The following TAF3 variants were observed in gnomAD, a reference collection of about 807,000 sequenced individuals.
TAF3 encodes TATA-box binding protein associated factor 3.
Under a neutral mutation model 80.6 loss-of-function variants are expected in TAF3, and 7 were observed. That is an observed-to-expected ratio of 0.09 (90% CI 0.05 to 0.16). The LOEUF (loss-of-function observed/expected upper bound fraction) is 0.16, where lower values mean the gene tolerates loss of function less well. Ranked by LOEUF, TAF3 falls within the 10% of genes least tolerant of loss-of-function variation. The probability of loss-of-function intolerance (pLI) is 1.00; values close to 1 mark genes in which losing one functional copy is unlikely to be tolerated. For synonymous variants in TAF3, 444 were observed against 446.1 expected, an observed-to-expected ratio of 1.00 and a Z score of 0.06; for missense variants, 921 against 1,140.2, an observed-to-expected ratio of 0.81 and a Z score of 2.77.
chr10:7,981,234 C>T (rs1005723145), intron 4 of TAF3, among the ~76,000 whole-genome samples: 4 of 152,212 alleles, frequency 2.6e-5, no homozygotes, highest in Non-Finnish European at 4.4e-5. Context: ...TGTCTTCTCC[C>T]AAGGACTGAA....
chr10:7,958,358 C>T (rs1344726623), intron 2 of TAF3, among the ~76,000 whole-genome samples: 1 of 151,990 alleles, frequency 6.6e-6, no homozygotes, highest in Admixed American at 6.6e-5. Context: ...AATATATTCA[C>T]TCAAGTCGAA....
chr10:7,957,338 G>A (rs1035931623), intron 2 of TAF3, among the ~76,000 whole-genome samples: 1 of 152,156 alleles, frequency 6.6e-6, no homozygotes, highest in Non-Finnish European at 1.5e-5. Flanking sequence ...ATCACCCACA[G>A]ATACTAACTC....
At chr10:7,971,082 G>C (rs139363345) in intron 3 of TAF3, among the ~76,000 whole-genome samples, 1 of 152,152 alleles carries the variant, frequency 6.6e-6, no homozygotes, top group African/African-American at 2.4e-5. Flanking sequence ...CCCAAGGCCA[G>C]CTCCCAGCCT....
intron 2 of TAF3, among the ~76,000 whole-genome samples, chr10:7,914,970 T>A (rs1837695608): frequency 7.2e-6 from 1 of 138,096 alleles, no homozygotes; most frequent in Non-Finnish European, 1.5e-5. Context: ...AGACAGAGTC[T>A]TGCTCTGTCG....
At chr10:7,950,816 GT>G (rs1306714998) in intron 2 of TAF3, among the ~76,000 whole-genome samples, 1 of 152,176 alleles carries the variant, frequency 6.6e-6, no homozygotes, top group African/African-American at 2.4e-5. Flanking sequence ...GTAGTGCCAT[GT>G]TTTTCTCATT....
At chr10:7,915,751 G>C (rs901684869) in intron 2 of TAF3, among the ~76,000 whole-genome samples, 2 of 151,962 alleles carry the variant, frequency 1.3e-5, no homozygotes, top group African/African-American at 4.8e-5. Context: ...GGTTGAGGTG[G>C]GCGGATCACT....
At chr10:7,849,525 T>C (rs978909832) in intron 2 of TAF3, among the ~76,000 whole-genome samples, 1 of 152,212 alleles carries the variant, frequency 6.6e-6, no homozygotes, top group African/African-American at 2.4e-5. Flanking sequence ...TAAAAAATTA[T>C]GTAATTGTGT....
intron 2 of TAF3, among the ~76,000 whole-genome samples, chr10:7,865,279 T>A (rs551308657): frequency 2.6e-5 from 4 of 151,998 alleles, no homozygotes; most frequent in East Asian, 1.9e-4. Flanking sequence ...CATCCTGGCT[T>A]ACACAGTGAA....
chr10:7,920,819 A>C (rs1279252367), intron 2 of TAF3, among the ~76,000 whole-genome samples: 1 of 152,210 alleles, frequency 6.6e-6, no homozygotes, highest in East Asian at 1.9e-4. Flanking sequence ...ATTGAAATAG[A>C]ATTTTTGTCA....
intron 2 of TAF3, among the ~76,000 whole-genome samples, chr10:7,830,254 C>T (rs776845882): frequency 4.6e-5 from 7 of 152,040 alleles, no homozygotes; most frequent in Non-Finnish European, 8.8e-5. Flanking sequence ...AACCCTTTCT[C>T]CCAGTTCAAG....
chr10:7,831,937 TG>T (rs147758826), intron 2 of TAF3, among the ~76,000 whole-genome samples: 25,805 of 151,422 alleles, frequency 0.17, 2,655 homozygotes, highest in East Asian at 0.52. Flanking sequence ...TGTATATATC[TG>T]GGGGGTGCAA....
Position 7,843,521 on chromosome 10 carries a change from T to C in TAF3, c.409+18961T>C, listed in dbSNP as rs1836939879. Reference sequence around the variant, plus strand: ...TTAATCTTTTTTGAACCCTTAGTCATATTGAAGATGTTTTATTTAAAATAC... The same window carrying C: ...TTAATCTTTTTTGAACCCTTAGTCACATTGAAGATGTTTTATTTAAAATAC... On this transcript the variant is annotated intron_variant, in intron 2 of 6. Transcript: ENST00000344293. Among the ~76,000 whole-genome samples, 5 of 152,180 alleles carry C rather than the reference T, an allele frequency of 3.3e-5. No individual in the cohort carries two copies. In the South Asian group the frequency reaches 1.0e-3, roughly 31 times the overall value.
At chr10:7,988,993 T>C (rs946567022) in intron 4 of TAF3, among the ~76,000 whole-genome samples, 2 of 152,156 alleles carry the variant, frequency 1.3e-5, no homozygotes, top group African/African-American at 4.8e-5. Context: ...TTTTTAGTCA[T>C]TTTATAGATT....
At chr10:7,892,382 A>G (rs1003692384) in intron 2 of TAF3, among the ~76,000 whole-genome samples, 1 of 152,224 alleles carries the variant, frequency 6.6e-6, no homozygotes, top group Non-Finnish European at 1.5e-5. Context: ...TACAGATTTC[A>G]TAAGAAAGAA....
At chr10:7,835,798 G>A (rs750796859) in intron 2 of TAF3, among the ~76,000 whole-genome samples, 1 of 152,146 alleles carries the variant, frequency 6.6e-6, no homozygotes, top group Non-Finnish European at 1.5e-5. Flanking sequence ...TTGCATAGAT[G>A]CCTCATACTC....
chr10:7,911,600 A>G (rs1837657370), intron 2 of TAF3, among the ~76,000 whole-genome samples: 1 of 152,248 alleles, frequency 6.6e-6, no homozygotes, highest in Non-Finnish European at 1.5e-5. Context: ...CAGCAGCAGG[A>G]CGTTTACCAG....
chr10:7,959,161 CACAA>C (rs199706438), intron 2 of TAF3, among the ~76,000 whole-genome samples: 33,434 of 136,492 alleles, frequency 0.24, 3,909 homozygotes, highest in East Asian at 0.45. Context: ...CACACACACA[CACAA>C]AAAAAGTTTC....
intron 2 of TAF3, among the ~76,000 whole-genome samples, chr10:7,917,104 T>C (rs1353873574): frequency 6.6e-6 from 1 of 152,228 alleles, no homozygotes; most frequent in African/African-American, 2.4e-5. Flanking sequence ...ATGGCAGATA[T>C]TCCAGTGGAT....
intron 2 of TAF3, among the ~76,000 whole-genome samples, chr10:7,849,273 TG>T (rs1409321756): frequency 2.6e-5 from 4 of 152,190 alleles, no homozygotes; most frequent in Non-Finnish European, 5.9e-5. Flanking sequence ...TCAGACAGTC[TG>T]ACTCTAAAGA....
Sources: allele counts gnomAD v4.1 joint callset (sites outside exome capture counted in the v4.1 genomes callset), GRCh38; gene constraint gnomAD v4.1.1; transcripts MANE v1.5; gene names NCBI Gene and HGNC (gene_info 2026-07-23, HGNC 2026-07-21).